Variants in MAGI3 observed in about 807,000 individuals in gnomAD.
MAGI3 encodes the protein membrane-associated guanylate kinase, WW and PDZ domain-containing protein 3.
A neutral mutation model predicts 121.8 loss-of-function variants in MAGI3; 43 were observed. That is an observed-to-expected ratio of 0.35 (90% CI 0.28 to 0.46). The LOEUF is 0.46. MAGI3 is among the 20% of genes least tolerant of loss of function. MAGI3 has a pLI of 1.00. For missense variants in MAGI3, 1,547 were observed against 1,797.3 expected (o/e 0.86, Z 2.52); for synonymous variants, 553 against 639.3 (o/e 0.86, Z 2.04).
chr1:113,470,665 T>G (rs1259458035), intron 1 of MAGI3, among the ~76,000 whole-genome samples: 1 of 152,210 alleles, frequency 6.6e-6, no homozygotes, highest in Non-Finnish European at 1.5e-5. Context: ...AACTGAAACT[T>G]AGAATCCTGT....
At chr1:113,594,346 C>A in intron 5 of MAGI3, 135 bp from the exon 6 acceptor site, 1 of 660,708 alleles carries the variant, frequency 1.5e-6, no homozygotes. Flanking sequence ...ATGAATGAAT[C>A]TGAGGAATAC....
At chr1:113,574,785 C>G (rs940980638) in intron 2 of MAGI3, among the ~76,000 whole-genome samples, 1 of 152,162 alleles carries the variant, frequency 6.6e-6, no homozygotes, top group Non-Finnish European at 1.5e-5. Context: ...GTGTGTTTTC[C>G]AACTTGGTCC....
intron 7 of MAGI3, among the ~76,000 whole-genome samples, chr1:113,618,177 A>T (rs61475115): frequency 0.015 from 1,216 of 78,826 alleles, 10 homozygotes; most frequent in African/African-American, 0.04. Flanking sequence ...AAAAAAAAAA[A>T]TTTTTTTTAA....
At chr1:113,594,707 T>C (rs1648891956) in intron 6 of MAGI3, 147 bp downstream of exon 6, 1 of 507,778 alleles carries the variant, frequency 2.0e-6, no homozygotes, top group South Asian at 4.5e-5. Context: ...AATCAACTGA[T>C]TGTGGTAATT....
chr1:113,533,780 TTTTTC>T (rs901409440), intron 1 of MAGI3, among the ~76,000 whole-genome samples: 1 of 140,334 alleles, frequency 7.1e-6, no homozygotes, highest in African/African-American at 2.6e-5. Flanking sequence ...ATATCTTTTC[TTTTTC>T]TTTTTTTTTT....
chr1:113,446,672 T>A (rs916550558), intron 1 of MAGI3, among the ~76,000 whole-genome samples: 2 of 152,022 alleles, frequency 1.3e-5, no homozygotes, highest in Non-Finnish European at 2.9e-5. Context: ...AGATTGAAAG[T>A]GAAAGGATTG....
At chr1:113,486,651 CTT>C (rs767164528) in intron 1 of MAGI3, among the ~76,000 whole-genome samples, 41 of 123,956 alleles carry the variant, frequency 3.3e-4, no homozygotes, top group Admixed American at 5.0e-4. Flanking sequence ...TCTTCAAAGT[CTT>C]TTTTTTTTTT....
At chr1:113,573,513 G>A (rs1647436766) in intron 2 of MAGI3, among the ~76,000 whole-genome samples, 1 of 152,076 alleles carries the variant, frequency 6.6e-6, no homozygotes, top group South Asian at 2.1e-4. Context: ...TTTTGGGTGA[G>A]TTTCTTAATC....
Position 113,683,215 on chromosome 1 carries a change from C to A in MAGI3, c.3647C>A (p.Thr1216Lys), listed in dbSNP as rs1451437894. 2 of 1,613,786 alleles carry A rather than the reference C, an allele frequency of 1.2e-6. No homozygotes were observed. The highest frequency in any genetic ancestry group is 3.3e-5 in the Admixed American group (2 of 59,986). Residue 1216 changes from threonine (T) to lysine (K), a missense_variant, in exon 21 of 21, where the codon ACA becomes AAA. By Grantham distance (78) the Thr-to-Lys change is moderately conservative (BLOSUM62 -1). Coordinates refer to ENST00000307546, the MANE Select transcript of MAGI3 (RefSeq NM_001142782.2). Reference sequence around the variant, plus strand: ...CTATTAAAAGTAGAAAATGGTGTTACACGAAGAGGTAGATCGGTTAGTCCC... The same window carrying A: ...CTATTAAAAGTAGAAAATGGTGTTAAACGAAGAGGTAGATCGGTTAGTCCC... ...KNLLKVENGV[T>K]RRGRSVSPKK...
chr1:113,652,615 A>C (rs1653234201), intron 14 of MAGI3, among the ~76,000 whole-genome samples: 1 of 152,118 alleles, frequency 6.6e-6, no homozygotes, highest in African/African-American at 2.4e-5. Flanking sequence ...GTAGTTTGGT[A>C]TTATTGGAGA....
intron 6 of MAGI3, among the ~76,000 whole-genome samples, chr1:113,604,594 A>G (rs938678454): frequency 2.0e-4 from 28 of 138,862 alleles, no homozygotes; most frequent in South Asian, 7.0e-4. Flanking sequence ...AAAAAAAAAA[A>G]AGAGAAGAAA....
At chr1:113,599,777 AT>A (rs1649251609) in intron 6 of MAGI3, among the ~76,000 whole-genome samples, 1 of 151,702 alleles carries the variant, frequency 6.6e-6, no homozygotes, top group African/African-American at 2.4e-5. Flanking sequence ...AAAAAAGAGA[AT>A]TTTAGACCAA....
rs1021425987 is a variant in MAGI3, at chr1:113,414,770, T to C, written c.316+23421T>C. 2.0e-4 allele frequency among the ~76,000 whole-genome samples: 31 copies of C among 152,088 alleles called. 1 individual carries two copies. The highest frequency in any genetic ancestry group is 2.1e-4 in the South Asian group (1 of 4,826). ...AAAATTACAAAACATGATATAAAAATAAAAAATAAAATAGTTACATTTACT... is the reference window on the plus strand; with the variant it reads ...AAAATTACAAAACATGATATAAAAACAAAAAATAAAATAGTTACATTTACT... On this transcript the variant is annotated intron_variant, in intron 1 of 20. Transcript: ENST00000307546.
At chr1:113,664,893 G>C (rs1653955793) in intron 16 of MAGI3, among the ~76,000 whole-genome samples, 1 of 152,118 alleles carries the variant, frequency 6.6e-6, no homozygotes, top group Non-Finnish European at 1.5e-5. Context: ...GACTTCAGTA[G>C]TACAGTTTTG....
chr1:113,426,789 AGTT>A (rs1653028895), intron 1 of MAGI3, among the ~76,000 whole-genome samples: 2 of 152,072 alleles, frequency 1.3e-5, no homozygotes, highest in Admixed American at 1.3e-4. Context: ...ATTTGGACCA[AGTT>A]CTTGTAGACA....
intron 6 of MAGI3, among the ~76,000 whole-genome samples, chr1:113,610,719 C>T (rs757437916): frequency 8.5e-5 from 13 of 152,076 alleles, no homozygotes; most frequent in Non-Finnish European, 1.9e-4. Context: ...GGGTGGATCA[C>T]GAGGTCAGGA....
At chr1:113,416,026 A>G (rs1652292390) in intron 1 of MAGI3, among the ~76,000 whole-genome samples, 2 of 149,624 alleles carry the variant, frequency 1.3e-5, no homozygotes, top group African/African-American at 2.4e-5. Flanking sequence ...TATGTAATTA[A>G]TGACACATAT....
chr1:113,400,353 T>G (rs550498530), intron 1 of MAGI3, among the ~76,000 whole-genome samples: 35 of 152,252 alleles, frequency 2.3e-4, no homozygotes, highest in African/African-American at 8.4e-4. Flanking sequence ...GTAGGAGTTT[T>G]GTAGTTTTGC....
chr1:113,679,336 A>G (rs547439081), intron 19 of MAGI3, among the ~76,000 whole-genome samples: 2 of 152,156 alleles, frequency 1.3e-5, no homozygotes, highest in South Asian at 4.2e-4. Flanking sequence ...TCCCAATTAC[A>G]ATTGAGAACA....
Sources: allele counts gnomAD v4.1 joint callset (sites outside exome capture counted in the v4.1 genomes callset), GRCh38; gene constraint gnomAD v4.1.1; transcripts MANE v1.5; gene names NCBI Gene and HGNC (gene_info 2026-07-23, HGNC 2026-07-21).